USP13: variants seen among roughly 807,000 people sequenced by gnomAD.
USP13 encodes the protein ubiquitin specific peptidase 13.
Under a neutral mutation model 107.8 loss-of-function variants are expected in USP13, and 68 were observed. The observed-to-expected ratio is 0.63, with a 90% confidence interval of 0.52 to 0.77. USP13 has a LOEUF of 0.77. Ranked by LOEUF, USP13 falls within the 30% of genes least tolerant of loss-of-function variation. The pLI, the probability that USP13 is intolerant of heterozygous loss-of-function variation, is 0.00. For synonymous variants in USP13, 377 were observed against 389.5 expected, an observed-to-expected ratio of 0.97 and a Z score of 0.38; for missense variants, 945 against 1,093.3, an observed-to-expected ratio of 0.86 and a Z score of 1.91.
At chr3:179,781,593 G>T in intron 19 of USP13, 146 bp from the exon 20 acceptor site, 1 of 619,128 alleles carries the variant, frequency 1.6e-6, no homozygotes, top group Non-Finnish European at 2.8e-6. Flanking sequence ...GTATGTGTGT[G>T]TTGTCAACAT....
At chr3:179,691,551 G>A (rs1392398505) in intron 3 of USP13, among the ~76,000 whole-genome samples, 2 of 152,196 alleles carry the variant, frequency 1.3e-5, no homozygotes, top group Non-Finnish European at 2.9e-5. Context: ...GGTACATGAT[G>A]TTAACATGTT....
intron 13 of USP13, among the ~76,000 whole-genome samples, chr3:179,752,007 T>G (rs1240563360): frequency 6.6e-6 from 1 of 152,284 alleles, no homozygotes; most frequent in Admixed American, 6.5e-5. Flanking sequence ...CCTCCCAAAG[T>G]GCTGGGATTA....
chr3:179,706,876 A>G (rs1011265263), intron 4 of USP13, 58 bp from the exon 5 acceptor site: 14 of 1,539,074 alleles, frequency 9.1e-6, no homozygotes, highest in Non-Finnish European at 1.1e-5. Context: ...GCTATTCACT[A>G]GCAAATCGTT....
At chr3:179,666,013 C>T (rs12632871) in intron 1 of USP13, among the ~76,000 whole-genome samples, 7,304 of 152,158 alleles carry the variant, frequency 0.048, 294 homozygotes, top group African/African-American at 0.1. Context: ...AGAGACAGTG[C>T]TTTGGAGGGG....
intron 13 of USP13, among the ~76,000 whole-genome samples, chr3:179,748,334 G>A (rs1023564467): frequency 6.6e-6 from 1 of 152,114 alleles, no homozygotes; most frequent in Non-Finnish European, 1.5e-5. Context: ...GCTTTATCAT[G>A]TTTCAAATAT....
At chr3:179,772,971 T>C (rs1481122548) in intron 19 of USP13, among the ~76,000 whole-genome samples, 6 of 152,206 alleles carry the variant, frequency 3.9e-5, no homozygotes. Context: ...CCTCCCACAC[T>C]GTTTTTTCTC....
intron 8 of USP13, among the ~76,000 whole-genome samples, chr3:179,728,718 G>A (rs562917015): frequency 2.0e-5 from 3 of 152,208 alleles, no homozygotes; most frequent in Admixed American, 1.3e-4. Context: ...AGGAGACTCC[G>A]TCTGCAATCC....
chr3:179,745,372 A>C (rs1260201397), intron 13 of USP13, among the ~76,000 whole-genome samples, 155 bp downstream of exon 13: 1 of 152,198 alleles, frequency 6.6e-6, no homozygotes, highest in Non-Finnish European at 1.5e-5. Flanking sequence ...AACTGTCGTC[A>C]AACTTCACTT....
chr3:179,653,312 GC>G lies in USP13; in HGVS notation c.91del (p.His31ThrfsTer36). The G allele has an allele frequency of 6.3e-7, 1 of 1,577,652 alleles. No homozygotes were observed. Among genetic ancestry groups the G allele is most frequent in the Non-Finnish European group, 8.6e-7 (1 of 1,162,264 alleles). On this transcript the variant is annotated frameshift_variant, in exon 1 of 21. Transcript: ENST00000263966. LOFTEE classifies it high-confidence loss of function. The surrounding 1 kb of genome is among the most constrained non-coding windows in gnomAD (Gnocchi z 4.0). ...AAGDIGELLVPHMPTIRVPRS... is the reference protein window; with the variant it reads ...AAGDIGELLVXHMPTIRVPRS... ...CAGGAGACATCGGCGAGCTGCTAGT[GC>G]CCCACATGCCCACGATCCGCGTGCC...
At chr3:179,758,562 G>A (rs1483755100) in intron 16 of USP13, among the ~76,000 whole-genome samples, 5 of 149,782 alleles carry the variant, frequency 3.3e-5, no homozygotes, top group East Asian at 2.0e-4. Context: ...GCAGTGGCGC[G>A]ATCTCGGCTC....
chr3:179,768,147 T>A (rs989705359), intron 19 of USP13, among the ~76,000 whole-genome samples: 1 of 152,220 alleles, frequency 6.6e-6, no homozygotes, highest in African/African-American at 2.4e-5. Flanking sequence ...CTTCATTGAT[T>A]TTCCATAATG....
chr3:179,690,397 T>C, intron 3 of USP13, 96 bp downstream of exon 3: 2 of 1,138,664 alleles, frequency 1.8e-6, no homozygotes, highest in Non-Finnish European at 2.5e-6. Flanking sequence ...ATAGGTTGTT[T>C]ATTGCTGTAC....
chr3:179,786,891 A>C lies in USP13; in HGVS notation c.*2750A>C, dbSNP rs1715928470. 1 of 152,216 alleles carries C rather than the reference A, an allele frequency of 6.6e-6. No individual in the cohort carries two copies. The highest frequency in any genetic ancestry group is 1.5e-5 in the Non-Finnish European group (1 of 68,042). 9.4% of individuals were successfully genotyped at this position (152,216 alleles called of 1,614,324 possible). A position where few individuals can be genotyped will look rare whatever the true frequency, so the allele number is the denominator to read the frequency against. On this transcript the variant is annotated 3_prime_UTR_variant, in exon 21 of 21. Transcript: ENST00000263966. ...ACTTTCTTCCTGTAAATATCTTTTG[A>C]TATCCATTTATGTAGAATTCCAATG...
chr3:179,747,639 CAG>C (rs1714455137), intron 13 of USP13, among the ~76,000 whole-genome samples: 3 of 152,182 alleles, frequency 2.0e-5, no homozygotes, highest in Non-Finnish European at 1.5e-5. Context: ...TAGCTTTCCA[CAG>C]AGAGGCAGAT....
At position 179,785,356 on chromosome 3, in the gene USP13, CTT is replaced by C. The variant is rs1715889955; in HGVS notation, c.*1217_*1218del. On this transcript the variant is annotated 3_prime_UTR_variant, in exon 21 of 21. Transcript: ENST00000263966. ...ACTAAGGATTTTAGATGCAAAGAAACTTTATACAACATTATGAAAGACTATCC... is the reference window on the plus strand; with the variant it reads ...ACTAAGGATTTTAGATGCAAAGAAACTATACAACATTATGAAAGACTATCC... 6.6e-6 allele frequency: 1 copy of C among 152,130 alleles called. No homozygotes were observed. Among genetic ancestry groups the C allele is most frequent in the Non-Finnish European group, 1.5e-5 (1 of 68,030 alleles). 9.4% of individuals were successfully genotyped at this position (152,130 alleles called of 1,614,324 possible).
chr3:179,745,913 G>A (rs7641593), intron 13 of USP13, among the ~76,000 whole-genome samples: 86,727 of 151,556 alleles, frequency 0.57, 25,299 homozygotes, highest in East Asian at 0.72. Flanking sequence ...TTTTTTCTCC[G>A]TCTGCCACCC....
intron 1 of USP13, among the ~76,000 whole-genome samples, chr3:179,676,828 C>T (rs1711503495): frequency 6.6e-6 from 1 of 152,186 alleles, no homozygotes; most frequent in Non-Finnish European, 1.5e-5. Flanking sequence ...AAGGGGCACA[C>T]ACTACCTCTG....
rs539536498 is a variant in USP13, at chr3:179,685,164, GA to G, written c.294+3162del. Among the ~76,000 whole-genome samples the G allele has an allele frequency of 9.3e-5, 12 of 129,294 alleles. No homozygotes were observed. The East Asian group carries it at 2.2e-3, about 24-fold the overall frequency. 84.8% of individuals were successfully genotyped at this position (129,294 alleles called of 152,430 possible). A position where few individuals can be genotyped will look rare whatever the true frequency, so the allele number is the denominator to read the frequency against. Reference sequence around the variant, plus strand: ...TTATAAAGGAACTCATATTTTGTTAGATTTTTTTTTTAGTACCCTATAATTT... The same window carrying G: ...TTATAAAGGAACTCATATTTTGTTAGTTTTTTTTTTAGTACCCTATAATTT... On this transcript the variant is annotated intron_variant, in intron 2 of 20. Coordinates refer to ENST00000263966, the MANE Select transcript of USP13 (RefSeq NM_003940.3).
At chr3:179,741,094 T>C (rs953309098) in intron 11 of USP13, among the ~76,000 whole-genome samples, 1 of 152,076 alleles carries the variant, frequency 6.6e-6, no homozygotes, top group Non-Finnish European at 1.5e-5. Flanking sequence ...TTTTTTTTTT[T>C]CCTGGTTACA....
Sources: gnomAD v4.1 joint callset for allele counts (sites outside exome capture counted in the v4.1 genomes callset) on GRCh38, gnomAD v4.1.1 for gene constraint, Gnocchi (gnomAD v3.1) non-coding constraint, MANE v1.5 for transcripts, NCBI Gene and HGNC (gene_info 2026-07-23, HGNC 2026-07-21) for gene names.